The following PAX2 variants were observed in gnomAD, a reference collection of about 807,000 sequenced individuals.
PAX2 encodes paired box protein Pax-2.
In PAX2, 9 loss-of-function variants were observed where a neutral mutation model predicts 41.7. The ratio of observed to expected loss-of-function variants is 0.22; its 90% CI spans 0.13 to 0.38. The LOEUF (loss-of-function observed/expected upper bound fraction) is 0.38. Among genes scored for constraint, PAX2 ranks in the 10% least tolerant of loss-of-function variants. The pLI is 1.00. For synonymous variants in PAX2, 221 were observed against 212.7 expected (o/e 1.04, Z -0.34); for missense variants, 418 against 531.6 (o/e 0.79, Z 2.10).
chr10:100,805,288 A>G (rs1847735616), intron 5 of PAX2, among the ~76,000 whole-genome samples: 1 of 152,176 alleles, frequency 6.6e-6, no homozygotes, highest in African/African-American at 2.4e-5. Flanking sequence ...ATATCGTATA[A>G]TCACCTATAA....
At chr10:100,739,052 G>T (rs1363557789) in intron 1 of PAX2, among the ~76,000 whole-genome samples, 3 of 65,340 alleles carry the variant, frequency 4.6e-5, no homozygotes, top group Non-Finnish European at 7.5e-5. Context: ...CACACACACG[G>T]CCCCCATAGC....
intron 6 of PAX2, among the ~76,000 whole-genome samples, chr10:100,807,583 G>A (rs566465820): frequency 3.9e-5 from 6 of 152,102 alleles, no homozygotes; most frequent in African/African-American, 1.4e-4. Flanking sequence ...AGCTAGCCCC[G>A]GCAGCCGCAT....
At chr10:100,818,085 C>T (rs376156667) in intron 7 of PAX2, among the ~76,000 whole-genome samples, 2 of 152,154 alleles carry the variant, frequency 1.3e-5, no homozygotes, top group African/African-American at 2.4e-5. Context: ...TCTTCATTTT[C>T]GCTACCTTAT....
At chr10:100,789,178 C>T (rs1847001508) in intron 5 of PAX2, among the ~76,000 whole-genome samples, 1 of 152,208 alleles carries the variant, frequency 6.6e-6, no homozygotes, top group African/African-American at 2.4e-5. Context: ...AAGATCTCAG[C>T]TCACTGCAAC....
chr10:100,784,191 A>G (rs1846755131), intron 5 of PAX2, among the ~76,000 whole-genome samples: 2 of 152,228 alleles, frequency 1.3e-5, no homozygotes, highest in South Asian at 4.1e-4. Flanking sequence ...ATGTGTCAAG[A>G]TGATGTAGCC....
chr10:100,746,351 C>A, intron 1 of PAX2, 48 bp downstream of exon 1: 1 of 1,297,056 alleles, frequency 7.7e-7, no homozygotes, highest in Non-Finnish European at 1.1e-6. Context: ...CTCTCCGTCC[C>A]AACCCTGTCC....
intron 5 of PAX2, among the ~76,000 whole-genome samples, chr10:100,786,172 G>A (rs1032116935): frequency 2.0e-5 from 3 of 152,212 alleles, no homozygotes; most frequent in Admixed American, 6.5e-5. Context: ...GCCTTTAGTG[G>A]ATGCTGGGAT....
rs1394910829 is a variant in PAX2 at position 100,748,147 on chromosome 10, T to G, written c.44-1599T>G. ...CGTGTCCCCTTCCCATCCCCACCCC[T>G]TAGACTGGGGCTGAGGGGCCGGGCC... On this transcript the variant is annotated intron_variant, in intron 1 of 9. Transcript: ENST00000355243. The surrounding 1 kb of genome is among the most constrained non-coding windows in gnomAD (Gnocchi z 5.0). 3 of 984,770 alleles carry G rather than the reference T, an allele frequency of 3.0e-6. No homozygotes were observed. Among genetic ancestry groups the G allele is most frequent in the Non-Finnish European group, 3.6e-6 (3 of 829,800 alleles). 61.0% of individuals were successfully genotyped at this position (984,770 alleles called of 1,614,324 possible). A position where few individuals can be genotyped will look rare whatever the true frequency, so the allele number is the denominator to read the frequency against.
intron 3 of PAX2, among the ~76,000 whole-genome samples, chr10:100,768,710 G>C (rs188239900): frequency 1.3e-5 from 2 of 152,206 alleles, no homozygotes; most frequent in Non-Finnish European, 2.9e-5. Flanking sequence ...TCAGCCTACA[G>C]ACATTGAAGT....
At chr10:100,747,918 G>A in intron 1 of PAX2, 1 of 983,584 alleles carries the variant, frequency 1.0e-6, no homozygotes, top group South Asian at 4.7e-5. Flanking sequence ...GCCGAGTCCT[G>A]GCTGCCCGCG....
intron 3 of PAX2, among the ~76,000 whole-genome samples, chr10:100,767,857 T>C (rs1266040019): frequency 6.6e-6 from 1 of 151,964 alleles, no homozygotes; most frequent in Non-Finnish European, 1.5e-5. Context: ...GAAGCAAAGG[T>C]ATTTAAAATA....
In PAX2 at chr10:100,738,779, T is replaced by G. The variant is rs148353720; in HGVS notation, c.25+3046T>G. Among the ~76,000 whole-genome samples the G allele has an allele frequency of 2.1e-3, 325 of 152,324 alleles. 1 individual carries two copies. The highest frequency in any genetic ancestry group is 7.4e-3 in the African/African-American group (309 of 41,564). On this transcript the variant is annotated intron_variant, in intron 1 of 9. Transcript: ENST00000679374. ...CACAAAGTTAAGAAATAATTCTGGA[T>G]GTAGGTGACGCTTGAGATGCAAGTC... is the stretch of plus-strand genomic sequence containing the variant.
At chr10:100,772,064 C>G (rs1846232283) in intron 3 of PAX2, among the ~76,000 whole-genome samples, 1 of 151,956 alleles carries the variant, frequency 6.6e-6, no homozygotes, top group Admixed American at 6.5e-5. Flanking sequence ...CTCGGCCTCC[C>G]AAAGTGTTGT....
At chr10:100,738,251 G>C (rs6584395) in intron 1 of PAX2, among the ~76,000 whole-genome samples, 121,562 of 152,202 alleles carry the variant, frequency 0.8, 48,787 homozygotes, top group East Asian at 1. Flanking sequence ...CTGATGCCTC[G>C]CCGCCCTCTT....
intron 4 of PAX2, among the ~76,000 whole-genome samples, chr10:100,779,810 G>A (rs751744609): frequency 6.6e-6 from 1 of 151,448 alleles, no homozygotes; most frequent in Non-Finnish European, 1.5e-5. Flanking sequence ...CCCTGCTTTA[G>A]TCAGTCCCTA....
chr10:100,822,071 C>T (rs1478917865), intron 7 of PAX2, among the ~76,000 whole-genome samples: 2 of 152,094 alleles, frequency 1.3e-5, no homozygotes, highest in Admixed American at 1.3e-4. Context: ...TCAATGACAA[C>T]AGAAGTCAAT....
intron 1 of PAX2, 62 bp downstream of exon 1, chr10:100,746,365 C>G (rs948511549): frequency 8.6e-7 from 1 of 1,159,922 alleles, no homozygotes; most frequent in Admixed American, 1.7e-5. Flanking sequence ...CCTGTCCAGT[C>G]CCAGCGTGGC....
chr10:100,797,600 T>C (rs1285632071), intron 5 of PAX2, among the ~76,000 whole-genome samples: 2 of 152,226 alleles, frequency 1.3e-5, no homozygotes, highest in Admixed American at 1.3e-4. Flanking sequence ...AGTGCATGCA[T>C]GTTAAGCATA....
chr10:100,762,505 C>T (rs1845875959), intron 3 of PAX2, among the ~76,000 whole-genome samples: 1 of 152,040 alleles, frequency 6.6e-6, no homozygotes, highest in Non-Finnish European at 1.5e-5. Context: ...AGTGGTAATC[C>T]TAAATGCTAC....
Sources: gnomAD v4.1 joint callset for allele counts (sites outside exome capture counted in the v4.1 genomes callset) on GRCh38, gnomAD v4.1.1 for gene constraint, Gnocchi (gnomAD v3.1) non-coding constraint, MANE v1.5 for transcripts, NCBI Gene and HGNC (gene_info 2026-07-23, HGNC 2026-07-21) for gene names.